The following AGAP1 variants were observed in gnomAD, a reference collection of about 807,000 sequenced individuals.
AGAP1 encodes ArfGAP with GTPase domain, ankyrin repeat and PH domain 1.
In AGAP1, 29 loss-of-function variants were observed where a neutral mutation model predicts 105.3. The observed-to-expected ratio is 0.28, with a 90% CI of 0.21 to 0.38. AGAP1 has a LOEUF of 0.38. Among genes scored for constraint, AGAP1 ranks in the 10% least tolerant of loss-of-function variants. AGAP1 has a pLI of 1.00. For synonymous variants in AGAP1, 509 were observed against 485.9 expected (o/e 1.05, Z -0.63); for missense variants, 998 against 1,165.1 (o/e 0.86, Z 2.09).
intron 11 of AGAP1, among the ~76,000 whole-genome samples, chr2:235,915,676 AAAAT>A (rs1354086608): frequency 2.6e-5 from 4 of 152,222 alleles, no homozygotes; most frequent in African/African-American, 9.6e-5. Context: ...CTGTGTCAAA[AAAAT>A]AAAGAGTATG....
chr2:235,636,538 G>A (rs1051501395), intron 1 of AGAP1, among the ~76,000 whole-genome samples: 2 of 152,130 alleles, frequency 1.3e-5, no homozygotes, highest in African/African-American at 4.8e-5. Flanking sequence ...GTGTTGATGT[G>A]AAGCCTCCCC....
chr2:236,066,462 T>C (rs1394647303), intron 16 of AGAP1, among the ~76,000 whole-genome samples: 4 of 152,126 alleles, frequency 2.6e-5, no homozygotes, highest in African/African-American at 4.8e-5. Context: ...CTGAGCTCAA[T>C]TGATCCACCC....
chr2:235,740,832 A>G lies in AGAP1; in HGVS notation c.311-131A>G. 1.0e-6 allele frequency: 1 copy of G among 983,782 alleles called. No homozygotes were observed. The allele number at this position is 983,782 out of a possible 1,614,324, so 60.9% of individuals were successfully genotyped here. On this transcript the variant is annotated intron_variant, in intron 3 of 17. Coordinates refer to ENST00000304032, the MANE Select transcript of AGAP1 (RefSeq NM_001037131.3). The surrounding 1 kb of genome is among the most constrained non-coding windows in gnomAD (Gnocchi z 5.7). ...TGTTAAAATTCAGCATTTGCTGGCA[A>G]CATCCTAAATACTCAGTTGCCTCCA...
chr2:235,972,845 T>C (rs1327877790), intron 13 of AGAP1, among the ~76,000 whole-genome samples: 3 of 152,088 alleles, frequency 2.0e-5, no homozygotes, highest in Non-Finnish European at 4.4e-5. Context: ...AACGAAGCTC[T>C]AGAGGGCAGG....
At chr2:235,785,918 T>C (rs1956602367) in intron 6 of AGAP1, among the ~76,000 whole-genome samples, 1 of 151,950 alleles carries the variant, frequency 6.6e-6, no homozygotes, top group Admixed American at 6.6e-5. Flanking sequence ...AAAAAAAACG[T>C]GGATGGAAGA....
chr2:235,605,007 A>G (rs879553558), intron 1 of AGAP1, among the ~76,000 whole-genome samples: 1 of 151,692 alleles, frequency 6.6e-6, no homozygotes, highest in Non-Finnish European at 1.5e-5. Flanking sequence ...CAGCCTCCCA[A>G]GTAGCTGGCC....
chr2:235,639,016 C>A lies in AGAP1; in HGVS notation c.164-70163C>A, dbSNP rs958850453. Among the ~76,000 whole-genome samples the A allele has an allele frequency of 2.0e-5, 3 of 152,066 alleles. No homozygotes were observed. Among genetic ancestry groups the A allele is most frequent in the Admixed American group, 1.3e-4 (2 of 15,264 alleles). On this transcript the variant is annotated intron_variant, in intron 1 of 17. Transcript: ENST00000304032. This position sits in a 1 kb window ranked among gnomAD's most constrained non-coding sequence, Gnocchi z 5.3. ...GGGGGCAGAATCACCTGCTGAGACC[C>A]ACTGGTTAAAATAGTGTCAGTAGGG...
intron 12 of AGAP1, among the ~76,000 whole-genome samples, chr2:235,942,246 T>C (rs1439089353): frequency 6.6e-6 from 1 of 152,192 alleles, no homozygotes; most frequent in African/African-American, 2.4e-5. Context: ...GCGATTCCCC[T>C]GGTTCCAGGA....
intron 13 of AGAP1, among the ~76,000 whole-genome samples, chr2:235,972,502 G>A (rs1380774073): frequency 6.6e-6 from 1 of 152,112 alleles, no homozygotes; most frequent in Non-Finnish European, 1.5e-5. Flanking sequence ...GTAGAACCCG[G>A]GGTGTAACGG....
In AGAP1 at chr2:235,906,095, C is replaced by T. The variant is rs2051292297; in HGVS notation, c.1156-2643C>T. 6.6e-6 allele frequency among the ~76,000 whole-genome samples: 1 copy of T among 152,180 alleles called. No homozygotes were observed. Among genetic ancestry groups the T allele is most frequent in the Non-Finnish European group, 1.5e-5 (1 of 68,036 alleles). On this transcript the variant is annotated intron_variant, in intron 10 of 17. Coordinates refer to ENST00000304032, the MANE Select transcript of AGAP1 (RefSeq NM_001037131.3). The surrounding 1 kb of genome is among the most constrained non-coding windows in gnomAD (Gnocchi z 5.3). ...CAGCTTTCCTCCAAGGGGGCTGTGG[C>T]TGACTCCAGCCAGCCTGCCCTGAGA...
intron 1 of AGAP1, among the ~76,000 whole-genome samples, chr2:235,581,962 A>T (rs1404825021): frequency 6.6e-6 from 1 of 152,226 alleles, no homozygotes; most frequent in East Asian, 1.9e-4. Flanking sequence ...AGGTTTTATT[A>T]TTCTGTGTTC....
intron 6 of AGAP1, among the ~76,000 whole-genome samples, chr2:235,778,985 T>C (rs1267380563): frequency 6.6e-6 from 1 of 152,154 alleles, no homozygotes; most frequent in Non-Finnish European, 1.5e-5. Flanking sequence ...GCATATCCTG[T>C]GTGTATGTTT....
intron 1 of AGAP1, among the ~76,000 whole-genome samples, chr2:235,666,619 A>G (rs1948135301): frequency 6.6e-6 from 1 of 151,362 alleles, no homozygotes; most frequent in African/African-American, 2.4e-5. Context: ...TGGAAGAGTC[A>G]GTGTCATCTA....
In AGAP1 at chr2:235,893,887, T is replaced by G. The variant is rs958198615; in HGVS notation, c.1155+10438T>G. ...TCAACATTGACAATCCTGGCTGTGC[T>G]CTACAGATTGTGGTATGATTGAGAC... On this transcript the variant is annotated intron_variant, in intron 10 of 17. Coordinates refer to ENST00000304032, the MANE Select transcript of AGAP1 (RefSeq NM_001037131.3). The surrounding 1 kb of genome is among the most constrained non-coding windows in gnomAD (Gnocchi z 4.7). Among the ~76,000 whole-genome samples the G allele has an allele frequency of 1.3e-5, 2 of 152,162 alleles. No homozygotes were observed. Among genetic ancestry groups the G allele is most frequent in the African/African-American group, 4.8e-5 (2 of 41,430 alleles).
rs771657908 is a variant in AGAP1 at position 236,014,906 on chromosome 2, C to CACACCTCCACCTGCCT, written c.1646-21654_1646-21639dup. 2.6e-6 allele frequency: 1 copy of CACACCTCCACCTGCCT among 388,710 alleles called. No individual in the cohort carries two copies. Among genetic ancestry groups the CACACCTCCACCTGCCT allele is most frequent in the South Asian group, 1.9e-5 (1 of 51,956 alleles). The allele number at this position is 388,710 out of a possible 1,614,324, so 24.1% of individuals were successfully genotyped here. A position where few individuals can be genotyped will look rare whatever the true frequency, so the allele number is the denominator to read the frequency against. On this transcript the variant is annotated intron_variant, in intron 13 of 17. Transcript: ENST00000304032. This position sits in a 1 kb window ranked among gnomAD's most constrained non-coding sequence, Gnocchi z 6.3. ...TAACGCCTCCGCACCTCCACCCGCC[C>CACACCTCCACCTGCCT]ACACCTCCACCTGCCTCTTCCCCTC...
At position 235,938,813 on chromosome 2, in the gene AGAP1, C is replaced by T. The variant is rs185182609; in HGVS notation, c.1483+7890C>T. 3.5e-3 allele frequency among the ~76,000 whole-genome samples: 531 copies of T among 152,192 alleles called. 2 individuals are homozygous for T. The highest frequency in any genetic ancestry group is 5.6e-3 in the Admixed American group (86 of 15,284). On this transcript the variant is annotated intron_variant, in intron 12 of 17. Transcript: ENST00000304032. ...GGGGCCTGAAACCCACAACACCTAG[C>T]GTGGCTGAAAACCTGGGAGGGCCGG...
rs565129484 is a variant in AGAP1 at position 235,752,979 on chromosome 2, A to C, written c.673+2491A>C. Among the ~76,000 whole-genome samples the C allele has an allele frequency of 6.6e-6, 1 of 152,144 alleles. No individual in the cohort carries two copies. Among genetic ancestry groups the C allele is most frequent in the African/African-American group, 2.4e-5 (1 of 41,446 alleles). On this transcript the variant is annotated intron_variant, in intron 6 of 17. Transcript: ENST00000304032. The surrounding 1 kb of genome is among the most constrained non-coding windows in gnomAD (Gnocchi z 4.3). Reference sequence around the variant, plus strand: ...TCCTCCTAGTGGGATATGTGTTTGCATAGTGGAGAACAGAGGACACAAGCC... The same window carrying C: ...TCCTCCTAGTGGGATATGTGTTTGCCTAGTGGAGAACAGAGGACACAAGCC...
rs1945724333 is a variant in AGAP1, at chr2:235,601,325, G to T, written c.163+106476G>T. Among the ~76,000 whole-genome samples, 1 of 152,200 alleles carries T rather than the reference G, an allele frequency of 6.6e-6. No homozygotes were observed. Among genetic ancestry groups the T allele is most frequent in the African/African-American group, 2.4e-5 (1 of 41,462 alleles). ...AGGAGAAAGAGATGGAGACAGGTTT[G>T]CTGTCTCTTCCTCTTGTTATAAGAA... On this transcript the variant is annotated intron_variant, in intron 1 of 17. Coordinates refer to ENST00000304032, the MANE Select transcript of AGAP1 (RefSeq NM_001037131.3). This position sits in a 1 kb window ranked among gnomAD's most constrained non-coding sequence, Gnocchi z 4.4.
rs76630341 is a variant in AGAP1 at position 235,568,554 on chromosome 2, A to C, written c.163+73705A>C. ...CAGAACCGAGACCCAGACGGCAGGA[A>C]GGAGAAGCTGTGTATGTGTTGGAGG... On this transcript the variant is annotated intron_variant, in intron 1 of 17. Transcript: ENST00000304032. Among the ~76,000 whole-genome samples, 397 of 152,230 alleles carry C rather than the reference A, an allele frequency of 2.6e-3. 11 individuals are homozygous for C. In the East Asian group the frequency reaches 0.054, roughly 21 times the overall value.
Sources: allele counts gnomAD v4.1 joint callset (sites outside exome capture counted in the v4.1 genomes callset), GRCh38; gene constraint gnomAD v4.1.1; non-coding constraint Gnocchi (gnomAD v3.1); transcripts MANE v1.5; gene names NCBI Gene and HGNC (gene_info 2026-07-23, HGNC 2026-07-21).